CNDP1: variants seen among roughly 807,000 people sequenced by gnomAD.
CNDP1 encodes the protein carnosine dipeptidase 1.
In CNDP1, 44 loss-of-function variants were observed where a neutral mutation model predicts 58.1. That is an observed-to-expected ratio of 0.76 (90% CI 0.60 to 0.97). CNDP1 has a LOEUF of 0.97. CNDP1 is among the 50% of genes least tolerant of loss of function. The probability of loss-of-function intolerance (pLI) is 0.00; values close to 1 mark genes in which losing one functional copy is unlikely to be tolerated. For missense variants in CNDP1, 616 were observed against 655.1 expected, an observed-to-expected ratio of 0.94 and a Z score of 0.65; for synonymous variants, 254 against 252.6, an observed-to-expected ratio of 1.01 and a Z score of -0.05.
intron 1 of CNDP1, among the ~76,000 whole-genome samples, chr18:74,549,528 A>G: frequency 6.6e-6 from 1 of 152,014 alleles, no homozygotes; most frequent in East Asian, 1.9e-4. Flanking sequence ...TCTAAATGGG[A>G]AAAAGATTAA....
In CNDP1 at chr18:74,576,913, T is replaced by A. The variant is rs780997736; in HGVS notation, c.886T>A (p.Tyr296Asn). Residue 296 changes from tyrosine (Y) to asparagine (N), a missense_variant, in exon 8 of 12, where the codon TAT becomes AAT. By Grantham distance (143) the Tyr-to-Asn change is moderately radical. Coordinates refer to ENST00000358821, the MANE Select transcript of CNDP1 (RefSeq NM_032649.6). ...SSGHILVPGI[Y>N]DEVVPLTEEE... ...TGGTCATATCCTGGTCCCTGGAATC[T>A]ATGATGAAGTGGTTCCTCTTACAGA... 2 of 1,613,336 alleles carry A rather than the reference T, an allele frequency of 1.2e-6. No individual in the cohort carries two copies. The highest frequency in any genetic ancestry group is 1.7e-6 in the Non-Finnish European group (2 of 1,179,728).
chr18:74,561,330 T>C (rs1981190911), intron 4 of CNDP1: 1 of 224,084 alleles, frequency 4.5e-6, no homozygotes, highest in Admixed American at 5.0e-5. Context: ...GCAGAATTGC[T>C]TGAACCTGGG....
At chr18:74,574,301 C>G (rs1981573488) in intron 7 of CNDP1, among the ~76,000 whole-genome samples, 1 of 152,224 alleles carries the variant, frequency 6.6e-6, no homozygotes, top group Non-Finnish European at 1.5e-5. Flanking sequence ...AGTTAGTTCC[C>G]TGTCTGAAAA....
At position 74,562,077 on chromosome 18, in the gene CNDP1, A is replaced by G. The variant is rs752666050; in HGVS notation, c.497A>G (p.Asn166Ser). 1.9e-6 allele frequency: 3 copies of G among 1,614,038 alleles called. No homozygotes were observed. Among genetic ancestry groups the G allele is most frequent in the Non-Finnish European group, 2.5e-6 (3 of 1,180,004 alleles). The change falls in exon 5 of 12, where the codon AAC becomes AGC. Residue 166 changes from asparagine (N) to serine (S), a missense_variant. Coordinates refer to ENST00000358821, the MANE Select transcript of CNDP1 (RefSeq NM_032649.6). ...GKLYGRGATDNKGPVLAWINA... is the reference protein window; with the variant it reads ...GKLYGRGATDSKGPVLAWINA... ...CTTTATGGACGAGGAGCGACCGACA[A>G]CAAAGGCCCTGTCTTGGCTTGGATC...
intron 1 of CNDP1, among the ~76,000 whole-genome samples, chr18:74,548,730 T>G (rs1980825704): frequency 6.6e-6 from 1 of 152,170 alleles, no homozygotes; most frequent in East Asian, 1.9e-4. Context: ...TAGAGACTGG[T>G]TAATGGTTGT....
At chr18:74,575,299 A>T (rs1981601675) in intron 7 of CNDP1, among the ~76,000 whole-genome samples, 1 of 152,236 alleles carries the variant, frequency 6.6e-6, no homozygotes, top group Non-Finnish European at 1.5e-5. Context: ...GGATCGTTTT[A>T]CTAGTGAGGT....
chr18:74,571,116 C>G (rs1981467509), intron 6 of CNDP1, 70 bp from the exon 7 acceptor site: 6 of 997,480 alleles, frequency 6.0e-6, no homozygotes, highest in Non-Finnish European at 9.6e-6. Context: ...ATGTATTTCA[C>G]CATGTGAAAT....
chr18:74,573,156 CATCT>C (rs1000842722), intron 7 of CNDP1, among the ~76,000 whole-genome samples: 2 of 151,722 alleles, frequency 1.3e-5, no homozygotes, highest in African/African-American at 2.4e-5. Context: ...ATTATCTATC[CATCT>C]ATCATCTTTC....
chr18:74,578,220 G>T lies in CNDP1; in HGVS notation c.1060G>T (p.Gly354Cys). 1 of 1,613,982 alleles carries T rather than the reference G, an allele frequency of 6.2e-7. No individual in the cohort carries two copies. Among genetic ancestry groups the T allele is most frequent in the Middle Eastern group, 1.7e-4 (1 of 6,060 alleles). Reference sequence around the variant, plus strand: ...ATCTCTTTCTATTCATGGGATCGAGGGCGCGTTTGATGAGCCTGGAACTAA... The same window carrying T: ...ATCTCTTTCTATTCATGGGATCGAGTGCGCGTTTGATGAGCCTGGAACTAA... ...YPSLSIHGIE[G>C]AFDEPGTKTV... is the part of the protein sequence containing the mutation. Residue 354 changes from glycine (G) to cysteine (C), a missense_variant, in exon 9 of 12, where the codon GGC becomes TGC. Physicochemically the swap from Gly to Cys is radical, Grantham distance 159. Coordinates refer to ENST00000358821, the MANE Select transcript of CNDP1 (RefSeq NM_032649.6).
At chr18:74,541,473 A>C (rs1980622993) in intron 1 of CNDP1, among the ~76,000 whole-genome samples, 1 of 152,074 alleles carries the variant, frequency 6.6e-6, no homozygotes, top group Admixed American at 6.5e-5. Context: ...TGGAGCTGAG[A>C]GCCAGCTCCT....
chr18:74,572,260 A>C (rs553545667), intron 7 of CNDP1, among the ~76,000 whole-genome samples: 85 of 152,160 alleles, frequency 5.6e-4, no homozygotes, highest in African/African-American at 2.0e-3. Flanking sequence ...CAATTCACCT[A>C]CAGCTCTTCT....
chr18:74,567,327 T>A lies in CNDP1; in HGVS notation c.650T>A (p.Phe217Tyr). 6.2e-7 allele frequency: 1 copy of A among 1,614,142 alleles called. No individual in the cohort carries two copies. The change falls in exon 6 of 12, where the codon TTC (phenylalanine) becomes TAC (tyrosine). Residue 217 changes from phenylalanine to tyrosine, a missense_variant. Coordinates refer to ENST00000358821, the MANE Select transcript of CNDP1 (RefSeq NM_032649.6). ...CTTGTGGAAAAAGAAAAGGACCGAT[T>A]CTTCTCTGGTGTGGACTACATTGTA... ...EELVEKEKDR[F>Y]FSGVDYIVIS...
At chr18:74,581,218 C>CTGTGTGAG (rs1981781632) in intron 10 of CNDP1, among the ~76,000 whole-genome samples, 1 of 138,424 alleles carries the variant, frequency 7.2e-6, no homozygotes, top group Non-Finnish European at 1.6e-5. Context: ...CACACCTATC[C>CTGTGTGAG]TGTGTGTGTG....
intron 7 of CNDP1, among the ~76,000 whole-genome samples, chr18:74,572,636 A>G (rs1981507816): frequency 6.6e-6 from 1 of 151,698 alleles, no homozygotes; most frequent in Non-Finnish European, 1.5e-5. Context: ...AAAAATACAA[A>G]AGTTAGCCAG....
intron 1 of CNDP1, among the ~76,000 whole-genome samples, chr18:74,547,594 C>A (rs1028286134): frequency 1.3e-5 from 2 of 151,514 alleles, no homozygotes; most frequent in Non-Finnish European, 2.9e-5. Flanking sequence ...GTATCCCAGG[C>A]CACTGTCAAG....
rs1568300947 is a variant in CNDP1 at position 74,579,188 on chromosome 18, T to TTG, written c.1167+861_1167+862insTG. On this transcript the variant is annotated intron_variant, in intron 9 of 11. Transcript: ENST00000358821. ...CTCTCTCCCTTCTCCCTTCTCCCTT[T>TTG]CCTTCCCTTCCCTTGCCTTCCCTTC... Among the ~76,000 whole-genome samples, 8 of 118,522 alleles carry TTG rather than the reference T, an allele frequency of 6.7e-5. No homozygotes were observed. In the South Asian group the frequency reaches 2.0e-3, roughly 30 times the overall value. 77.8% of individuals were successfully genotyped at this position (118,522 alleles called of 152,430 possible).
chr18:74,551,997 G>A (rs1318495561), intron 1 of CNDP1, among the ~76,000 whole-genome samples: 2 of 151,524 alleles, frequency 1.3e-5, no homozygotes, highest in Non-Finnish European at 2.9e-5. Flanking sequence ...CTCCCTCTCC[G>A]GCTACTGGAG....
intron 5 of CNDP1, among the ~76,000 whole-genome samples, chr18:74,565,390 G>A (rs1036613093): frequency 2.6e-5 from 4 of 152,126 alleles, no homozygotes; most frequent in Non-Finnish European, 5.9e-5. Flanking sequence ...AAAGTCCACA[G>A]TCCAAAGTCT....
rs574315321 is a variant in CNDP1, at chr18:74,551,034, G to A, written c.25-5304G>A. On this transcript the variant is annotated intron_variant, in intron 1 of 11. Coordinates refer to ENST00000358821, the MANE Select transcript of CNDP1 (RefSeq NM_032649.6). ...CTCAATGTTGGAGGTGGAGTCTGGC[G>A]GGAGGTATTTAGGTGCTGTCCTTGC... 2.1e-4 allele frequency among the ~76,000 whole-genome samples: 32 copies of A among 152,220 alleles called. No homozygotes were observed. The South Asian group carries it at 4.8e-3, about 23-fold the overall frequency.
Sources: allele counts gnomAD v4.1 joint callset (sites outside exome capture counted in the v4.1 genomes callset), GRCh38; gene constraint gnomAD v4.1.1; transcripts MANE v1.5; gene names NCBI Gene and HGNC (gene_info 2026-07-23, HGNC 2026-07-21).